Variants in NETO1 observed in about 807,000 individuals in gnomAD.
The protein encoded by NETO1 is neuropilin and tolloid-like protein 1.
Under a neutral mutation model 61.3 loss-of-function variants are expected in NETO1, and 26 were observed. That is an observed-to-expected ratio of 0.42 (90% CI 0.31 to 0.59). The LOEUF (loss-of-function observed/expected upper bound fraction) is 0.59. Among genes scored for constraint, NETO1 ranks in the 20% least tolerant of loss-of-function variants. The pLI is 0.12. For synonymous variants in NETO1, 225 were observed against 225.8 expected, an observed-to-expected ratio of 1.00 and a Z score of 0.03; for missense variants, 531 against 662.8, an observed-to-expected ratio of 0.80 and a Z score of 2.18.
At chr18:72,860,755 G>A (rs201943315) in intron 3 of NETO1, among the ~76,000 whole-genome samples, 3 of 135,976 alleles carry the variant, frequency 2.2e-5, no homozygotes, top group African/African-American at 8.2e-5. Context: ...TCTTTTTTTT[G>A]GAAATTTGAA....
intron 7 of NETO1, among the ~76,000 whole-genome samples, chr18:72,758,867 AC>A (rs1275055065): frequency 6.6e-6 from 1 of 152,082 alleles, no homozygotes; most frequent in African/African-American, 2.4e-5. Flanking sequence ...AAACAAACAA[AC>A]AAAAAAGTAG....
intron 7 of NETO1, among the ~76,000 whole-genome samples, chr18:72,766,270 T>G (rs2071157448): frequency 6.6e-6 from 1 of 150,914 alleles, no homozygotes; most frequent in South Asian, 2.1e-4. Context: ...CTTGCTACTA[T>G]CATTTTTAAT....
chr18:72,843,512 A>G (rs1342828077), intron 4 of NETO1, among the ~76,000 whole-genome samples: 1 of 152,330 alleles, frequency 6.6e-6, no homozygotes. Context: ...GAAGCATGAC[A>G]AAGTTATACC....
At chr18:72,828,831 A>G (rs1322235269) in intron 4 of NETO1, among the ~76,000 whole-genome samples, 1 of 152,224 alleles carries the variant, frequency 6.6e-6, no homozygotes, top group African/African-American at 2.4e-5. Context: ...AATAAGGTCT[A>G]CTAAGATCTG....
intron 7 of NETO1, 81 bp downstream of exon 7, chr18:72,783,597 A>G: frequency 8.4e-7 from 1 of 1,191,598 alleles, no homozygotes; most frequent in Non-Finnish European, 1.2e-6. Context: ...CACTGTGTGA[A>G]GAAAACACCA....
intron 3 of NETO1, among the ~76,000 whole-genome samples, chr18:72,862,683 C>G (rs28608484): frequency 0.016 from 2,314 of 145,136 alleles, 49 homozygotes; most frequent in African/African-American, 0.051. Context: ...CGCAGTGGTG[C>G]GATCTCGGCT....
chr18:72,839,864 T>C (rs188384790), intron 4 of NETO1, among the ~76,000 whole-genome samples: 114 of 152,330 alleles, frequency 7.5e-4, no homozygotes, highest in Non-Finnish European at 1.3e-3. Flanking sequence ...TTTCTGTTTG[T>C]CTGCTACTCC....
chr18:72,777,576 T>TA (rs1204576250), intron 7 of NETO1, among the ~76,000 whole-genome samples: 1 of 70,688 alleles, frequency 1.4e-5, no homozygotes, highest in Non-Finnish European at 2.9e-5. Flanking sequence ...CCGTCTCCAC[T>TA]AAAAAATACA....
intron 2 of NETO1, 65 bp downstream of exon 2, chr18:72,865,123 G>A: frequency 6.7e-7 from 1 of 1,496,470 alleles, no homozygotes; most frequent in Non-Finnish European, 9.2e-7. Flanking sequence ...TTAACAGTAG[G>A]AGGAAAATAG....
At chr18:72,820,952 GTAGA>G (rs1009459391) in intron 4 of NETO1, among the ~76,000 whole-genome samples, 4 of 151,972 alleles carry the variant, frequency 2.6e-5, no homozygotes, top group South Asian at 2.1e-4. Flanking sequence ...AAATCTCTAG[GTAGA>G]TAGATAGATA....
At chr18:72,863,956 A>T (rs2074657770) in intron 3 of NETO1, among the ~76,000 whole-genome samples, 3 of 152,192 alleles carry the variant, frequency 2.0e-5, no homozygotes, top group African/African-American at 7.2e-5. Context: ...GCCATGGTTC[A>T]CGCCTGTAAT....
chr18:72,762,046 C>T lies in NETO1; in HGVS notation c.869-5899G>A, dbSNP rs1328831092. On this transcript the variant is annotated intron_variant, in intron 7 of 10. Coordinates refer to ENST00000327305, the MANE Select transcript of NETO1 (RefSeq NM_138966.5). ...TAAAATTTTAAAAACTAAAACTTGGCAAAGTGTTCCATTGTGTCCAGAAAT... is the reference window on the plus strand; with the variant it reads ...TAAAATTTTAAAAACTAAAACTTGGTAAAGTGTTCCATTGTGTCCAGAAAT... Among the ~76,000 whole-genome samples the T allele has an allele frequency of 3.3e-5, 5 of 152,140 alleles. No individual in the cohort carries two copies. In the East Asian group the frequency reaches 7.7e-4, roughly 24 times the overall value.
intron 7 of NETO1, among the ~76,000 whole-genome samples, chr18:72,772,928 ACT>A (rs1293988719): frequency 7.1e-6 from 1 of 140,090 alleles, no homozygotes; most frequent in East Asian, 2.2e-4. Context: ...TATTTCTGGT[ACT>A]CTGTCTCTTC....
In NETO1 at chr18:72,858,838, T is replaced by C. The variant is rs757252954; in HGVS notation, c.457A>G (p.Asn153Asp). 2.5e-6 allele frequency: 4 copies of C among 1,609,400 alleles called. No individual in the cohort carries two copies. The South Asian group carries it at 4.4e-5, about 18-fold the overall frequency. Residue 153 changes from asparagine to aspartate, a missense_variant, in exon 4 of 11, where the codon AAT (asparagine) becomes GAT (aspartate). Coordinates refer to ENST00000327305, the MANE Select transcript of NETO1 (RefSeq NM_138966.5). ...AGTACTTACTTACCAGGTGTGAAAT[T>C]GTATCGAGCTGAAAATCCCATAGAT... ...LESMGFSARY[N>D]FTPDPDFKDL...
At position 72,790,649 on chromosome 18, in the gene NETO1, T is replaced by C. The variant is rs114114991; in HGVS notation, c.639+3468A>G. ...CTCTGTTATTAAAATAAAAGGCTTC[T>C]CTGTGTTACATTAACAGCTATTTCT... On this transcript the variant is annotated intron_variant, in intron 6 of 10. Coordinates refer to ENST00000327305, the MANE Select transcript of NETO1 (RefSeq NM_138966.5). Among the ~76,000 whole-genome samples, 1,221 of 152,192 alleles carry C rather than the reference T, an allele frequency of 8.0e-3. 17 individuals are homozygous for C. Among genetic ancestry groups the C allele is most frequent in the African/African-American group, 0.028 (1,152 of 41,532 alleles).
chr18:72,826,355 C>T (rs1026883578), intron 4 of NETO1, among the ~76,000 whole-genome samples: 2 of 152,142 alleles, frequency 1.3e-5, no homozygotes, highest in Non-Finnish European at 2.9e-5. Context: ...AGTTTCAACC[C>T]TCCTACATGT....
At chr18:72,865,283 T>C in intron 1 of NETO1, 42 bp from the exon 2 acceptor site, 1 of 1,429,950 alleles carries the variant, frequency 7.0e-7, no homozygotes, top group Non-Finnish European at 9.8e-7. Context: ...TACACTGAAA[T>C]GATCAAATCC....
At position 72,777,348 on chromosome 18, in the gene NETO1, G is replaced by A. The variant is rs12968978; in HGVS notation, c.868+6330C>T. ...CAGGAGAATAGCTTGAACCCGGGAG[G>A]GGGGAGGTTGCAGGGAGCTGAGATC... On this transcript the variant is annotated intron_variant, in intron 7 of 10. Transcript: ENST00000327305. Among the ~76,000 whole-genome samples the A allele has an allele frequency of 9.1e-3, 1,371 of 150,708 alleles. 16 individuals carry two copies. The highest frequency in any genetic ancestry group is 0.031 in the African/African-American group (1,290 of 41,126).
intron 4 of NETO1, among the ~76,000 whole-genome samples, chr18:72,832,673 G>C (rs1374852697): frequency 6.6e-6 from 1 of 152,286 alleles, no homozygotes; most frequent in East Asian, 1.9e-4. Flanking sequence ...TGTTTGACTA[G>C]ACTAACCCAA....
Sources: allele counts gnomAD v4.1 joint callset (sites outside exome capture counted in the v4.1 genomes callset), GRCh38; gene constraint gnomAD v4.1.1; transcripts MANE v1.5; gene names NCBI Gene and HGNC (gene_info 2026-07-23, HGNC 2026-07-21).